The following NAV2 variants were observed in gnomAD, a reference collection of about 807,000 sequenced individuals.
NAV2 encodes helicase, APC down-regulated 1.
Under a neutral mutation model 223.2 loss-of-function variants are expected in NAV2, and 54 were observed. The ratio of observed to expected loss-of-function variants is 0.24; its 90% CI spans 0.19 to 0.30. The LOEUF is 0.30. NAV2 is among the 10% of genes least tolerant of loss of function. The pLI, the probability that NAV2 is intolerant of heterozygous loss-of-function variation, is 1.00. For missense variants in NAV2, 2,806 were observed against 3,147.5 expected, an observed-to-expected ratio of 0.89 and a Z score of 2.60; for synonymous variants, 1,279 against 1,239.3, an observed-to-expected ratio of 1.03 and a Z score of -0.67.
At chr11:19,462,761 T>G (rs1392521331) in intron 1 of NAV2, among the ~76,000 whole-genome samples, 1 of 152,202 alleles carries the variant, frequency 6.6e-6, no homozygotes, top group East Asian at 1.9e-4. Flanking sequence ...ACTCCCAACC[T>G]CACTCTGTCT....
At chr11:20,043,387 G>T (rs2057124610) in intron 12 of NAV2, among the ~76,000 whole-genome samples, 1 of 152,106 alleles carries the variant, frequency 6.6e-6, no homozygotes, top group African/African-American at 2.4e-5. Context: ...CCTCGCTAGG[G>T]CTCTTTCCTT....
intron 1 of NAV2, among the ~76,000 whole-genome samples, chr11:19,658,002 T>G (rs1319606426): frequency 8.5e-5 from 13 of 152,230 alleles, no homozygotes; most frequent in Admixed American, 8.5e-4. Context: ...TAAAAGCTAC[T>G]ATTTATCAAG....
At position 20,068,411 on chromosome 11, in the gene NAV2, A is replaced by G; in HGVS notation, c.4983+13A>G. On this transcript the variant is annotated intron_variant, in intron 22 of 37. Transcript: ENST00000349880. ...GCTGACAGCAAATGTAAGTACAGAC[A>G]TAGGGCAGTAGCATCGGGACAGGAA... The G allele has an allele frequency of 6.2e-7, 1 of 1,605,208 alleles. No individual in the cohort carries two copies. The highest frequency in any genetic ancestry group is 8.5e-7 in the Non-Finnish European group (1 of 1,171,984).
intron 1 of NAV2, among the ~76,000 whole-genome samples, chr11:19,788,310 A>G (rs535743836): frequency 2.8e-4 from 43 of 152,286 alleles, no homozygotes; most frequent in African/African-American, 9.9e-4. Context: ...GAGGGGGGAA[A>G]ATTGCCCCAG....
At chr11:19,852,551 C>A (rs2152981473) in intron 3 of NAV2, among the ~76,000 whole-genome samples, 1 of 152,336 alleles carries the variant, frequency 6.6e-6, no homozygotes, top group Non-Finnish European at 1.5e-5. Context: ...AATATTGCAT[C>A]TTCTGGACCT....
At chr11:20,115,432 A>G (rs2062979269) in intron 37 of NAV2, among the ~76,000 whole-genome samples, 1 of 151,902 alleles carries the variant, frequency 6.6e-6, no homozygotes, top group African/African-American at 2.4e-5. Flanking sequence ...GGAGATCGAG[A>G]CCATCCTGGC....
At chr11:20,011,498 A>G (rs2053561389) in intron 11 of NAV2, among the ~76,000 whole-genome samples, 1 of 152,202 alleles carries the variant, frequency 6.6e-6, no homozygotes. Flanking sequence ...TAAATTCTTT[A>G]CATGTATTGA....
chr11:19,919,081 A>C (rs2044050698), intron 6 of NAV2, among the ~76,000 whole-genome samples: 1 of 152,126 alleles, frequency 6.6e-6, no homozygotes, highest in Non-Finnish European at 1.5e-5. Flanking sequence ...AGAAAAAAAC[A>C]TGCAACGTTG....
intron 4 of NAV2, among the ~76,000 whole-genome samples, chr11:19,877,994 A>C (rs1238384242): frequency 6.6e-6 from 1 of 152,088 alleles, no homozygotes; most frequent in Non-Finnish European, 1.5e-5. Context: ...TGGTTTCCTT[A>C]GTGTGGGGAA....
intron 1 of NAV2, among the ~76,000 whole-genome samples, chr11:19,773,777 C>A (rs181909602): frequency 6.6e-6 from 1 of 152,244 alleles, no homozygotes; most frequent in African/African-American, 2.4e-5. Flanking sequence ...TATCAGGCAT[C>A]TCTTCCACTC....
At chr11:19,418,730 G>C (rs1850484565) in intron 1 of NAV2, among the ~76,000 whole-genome samples, 1 of 152,178 alleles carries the variant, frequency 6.6e-6, no homozygotes, top group African/African-American at 2.4e-5. Flanking sequence ...AAAATGGCTT[G>C]GGGCATTTTT....
chr11:19,814,296 T>C (rs1471060310), intron 1 of NAV2, among the ~76,000 whole-genome samples: 4 of 152,108 alleles, frequency 2.6e-5, no homozygotes, highest in African/African-American at 9.7e-5. Context: ...GAGGGCTTCA[T>C]TGAAGGAGGG....
intron 1 of NAV2, among the ~76,000 whole-genome samples, chr11:19,394,452 T>A (rs1815317466): frequency 6.6e-6 from 1 of 152,230 alleles, no homozygotes. Context: ...ATACCCATGC[T>A]AGACTCTGGG....
At chr11:19,515,982 G>A (rs2043433172) in intron 1 of NAV2, among the ~76,000 whole-genome samples, 1 of 152,364 alleles carries the variant, frequency 6.6e-6, no homozygotes, top group African/African-American at 2.4e-5. Context: ...AGGTTTGGGA[G>A]AGAATAGCAG....
At chr11:20,105,815 A>G (rs2061984323) in intron 35 of NAV2, 88 bp downstream of exon 35, 2 of 1,056,786 alleles carry the variant, frequency 1.9e-6, no homozygotes, top group Non-Finnish European at 2.8e-6. Flanking sequence ...CTTTGCAGGC[A>G]CAGTCAGCAG....
intron 1 of NAV2, among the ~76,000 whole-genome samples, chr11:19,621,494 G>A (rs975828876): frequency 1.3e-5 from 2 of 152,178 alleles, no homozygotes; most frequent in African/African-American, 4.8e-5. Flanking sequence ...GAGAGTGTAT[G>A]TATCGAGGAA....
At chr11:19,358,931 A>T (rs1177654549) in intron 1 of NAV2, among the ~76,000 whole-genome samples, 3 of 152,230 alleles carry the variant, frequency 2.0e-5, no homozygotes, top group African/African-American at 7.2e-5. Context: ...ACATGTGTAA[A>T]TCTATATTTA....
chr11:19,920,921 A>G (rs185967580), intron 6 of NAV2, among the ~76,000 whole-genome samples: 2 of 152,330 alleles, frequency 1.3e-5, no homozygotes, highest in East Asian at 1.9e-4. Context: ...CAAAACCTCA[A>G]TCTACCACCA....
Position 19,408,952 on chromosome 11 carries a change from T to C in NAV2, c.75+57925T>C, listed in dbSNP as rs547219503. Among the ~76,000 whole-genome samples, 3 of 146,656 alleles carry C rather than the reference T, an allele frequency of 2.0e-5. No homozygotes were observed. The South Asian group carries it at 6.9e-4, about 34-fold the overall frequency. ...GTGGATAGAGTTCCCTCTTTCATAC[T>C]TGGCTTTCTTCATGAGCTGTGAAGC... On this transcript the variant is annotated intron_variant, in intron 1 of 37. Coordinates refer to the NAV2 transcript ENST00000360655.
Sources: gnomAD v4.1 joint callset for allele counts (sites outside exome capture counted in the v4.1 genomes callset) on GRCh38, gnomAD v4.1.1 for gene constraint, MANE v1.5 for transcripts, NCBI Gene and HGNC (gene_info 2026-07-23, HGNC 2026-07-21) for gene names.